CACNA2D3: variants seen among roughly 807,000 people sequenced by gnomAD.
The protein encoded by CACNA2D3 is calcium voltage-gated channel auxiliary subunit alpha2delta 3.
A neutral mutation model predicts 160.6 loss-of-function variants in CACNA2D3; 60 were observed. That is an observed-to-expected ratio of 0.37 (90% CI 0.30 to 0.46). The LOEUF (loss-of-function observed/expected upper bound fraction) is 0.46. Ranked by LOEUF, CACNA2D3 falls within the 20% of genes least tolerant of loss-of-function variation. The probability of loss-of-function intolerance (pLI) is 1.00; values close to 1 mark genes in which losing one functional copy is unlikely to be tolerated. For synonymous variants in CACNA2D3, 558 were observed against 492.9 expected (o/e 1.13, Z -1.75); for missense variants, 1,205 against 1,365.0 (o/e 0.88, Z 1.85).
intron 4 of CACNA2D3, among the ~76,000 whole-genome samples, chr3:54,461,006 A>C (rs1276590541): frequency 6.7e-6 from 1 of 148,784 alleles, no homozygotes; most frequent in African/African-American, 2.6e-5. Context: ...ATTTTGTCAA[A>C]GGCCTTTTCT....
intron 10 of CACNA2D3, chr3:54,639,741 C>G (rs1434454112): frequency 6.2e-6 from 1 of 161,202 alleles, no homozygotes; most frequent in African/African-American, 2.4e-5. Context: ...ATCCGAGTCA[C>G]GGCACCAAAT....
At chr3:54,833,269 G>A in intron 14 of CACNA2D3, among the ~76,000 whole-genome samples, 1 of 152,198 alleles carries the variant, frequency 6.6e-6, no homozygotes, top group East Asian at 1.9e-4. Flanking sequence ...ACAGGTTTCA[G>A]AGGCCTGCTT....
At chr3:54,327,411 C>T (rs1405742697) in intron 3 of CACNA2D3, among the ~76,000 whole-genome samples, 2 of 152,222 alleles carry the variant, frequency 1.3e-5, no homozygotes, top group Non-Finnish European at 2.9e-5. Context: ...TGTATCCTAA[C>T]TTTCATGCTT....
At chr3:54,171,136 C>CTGTTTTTTTT (rs1700557898) in intron 2 of CACNA2D3, among the ~76,000 whole-genome samples, 1 of 62,542 alleles carries the variant, frequency 1.6e-5, no homozygotes. Context: ...AAGATGATGA[C>CTGTTTTTTTT]TTTTTTTTTT....
chr3:54,972,526 A>ACAG (rs1211010947), intron 29 of CACNA2D3, among the ~76,000 whole-genome samples: 6 of 151,804 alleles, frequency 4.0e-5, no homozygotes, highest in Non-Finnish European at 8.8e-5. Context: ...TCCATTAAAA[A>ACAG]CAGCTGTGGG....
intron 2 of CACNA2D3, among the ~76,000 whole-genome samples, chr3:54,224,326 A>C (rs985941093): frequency 5.3e-5 from 8 of 152,198 alleles, no homozygotes; most frequent in Non-Finnish European, 1.0e-4. Flanking sequence ...ATAACATTAA[A>C]ATTACAGTAT....
intron 5 of CACNA2D3, among the ~76,000 whole-genome samples, chr3:54,537,142 G>T (rs11707007): frequency 6.6e-6 from 1 of 151,670 alleles, no homozygotes; most frequent in African/African-American, 2.4e-5. Context: ...GGAGGGACAG[G>T]CAGGCACAGA....
At chr3:54,401,831 G>C (rs73084036) in intron 4 of CACNA2D3, among the ~76,000 whole-genome samples, 15,725 of 152,104 alleles carry the variant, frequency 0.1, 1,029 homozygotes, top group Admixed American at 0.21. Context: ...CAATGGTAAA[G>C]GTCAAGTCCA....
intron 11 of CACNA2D3, among the ~76,000 whole-genome samples, chr3:54,659,241 C>T (rs1002291740): frequency 1.1e-4 from 16 of 152,152 alleles, no homozygotes; most frequent in East Asian, 3.9e-4. Context: ...CTGGGCACTG[C>T]GTTTGTTTTC....
At chr3:54,996,259 C>G (rs1158602505) in intron 31 of CACNA2D3, among the ~76,000 whole-genome samples, 1 of 152,228 alleles carries the variant, frequency 6.6e-6, no homozygotes, top group Non-Finnish European at 1.5e-5. Flanking sequence ...TTTGCATTAA[C>G]TCATTCCCAA....
At chr3:54,736,107 A>ATTTATG (rs1253808917) in intron 11 of CACNA2D3, among the ~76,000 whole-genome samples, 1 of 21,318 alleles carries the variant, frequency 4.7e-5, no homozygotes, top group African/African-American at 1.4e-4. Flanking sequence ...ATACATATAT[A>ATTTATG]TGTATATATA....
chr3:54,302,044 T>C (rs1172370702), intron 2 of CACNA2D3, among the ~76,000 whole-genome samples: 1 of 152,242 alleles, frequency 6.6e-6, no homozygotes, highest in East Asian at 1.9e-4. Flanking sequence ...ACGTTGTTAC[T>C]TTTCTGATTC....
At chr3:54,708,545 A>G (rs1311303925) in intron 11 of CACNA2D3, among the ~76,000 whole-genome samples, 1 of 152,204 alleles carries the variant, frequency 6.6e-6, no homozygotes, top group Non-Finnish European at 1.5e-5. Context: ...ATGTTGATTG[A>G]GCAGAGACAA....
At chr3:54,615,352 A>G (rs4345041) in intron 9 of CACNA2D3, among the ~76,000 whole-genome samples, 26,170 of 152,210 alleles carry the variant, frequency 0.17, 2,979 homozygotes, top group Non-Finnish European at 0.25. Context: ...TCTGAATCCA[A>G]TCAAACTGCT....
At chr3:55,018,138 G>A in intron 34 of CACNA2D3, 68 bp from the exon 35 acceptor site, 1 of 913,150 alleles carries the variant, frequency 1.1e-6, no homozygotes, top group African/African-American at 1.6e-5. Context: ...GTTGCTGTGG[G>A]CTGCCAGTCA....
chr3:54,640,532 A>T (rs917618894), intron 10 of CACNA2D3, among the ~76,000 whole-genome samples: 2 of 152,130 alleles, frequency 1.3e-5, no homozygotes, highest in Non-Finnish European at 2.9e-5. Flanking sequence ...GCTGCCTACC[A>T]CTCACAAAGG....
At chr3:54,689,849 GA>G (rs1467650751) in intron 11 of CACNA2D3, among the ~76,000 whole-genome samples, 1 of 152,102 alleles carries the variant, frequency 6.6e-6, no homozygotes, top group African/African-American at 2.4e-5. Context: ...CAGCCAGAGT[GA>G]TTTGTTTAAA....
chr3:54,423,580 A>G (rs1375076128), intron 4 of CACNA2D3, among the ~76,000 whole-genome samples: 1 of 152,178 alleles, frequency 6.6e-6, no homozygotes, highest in African/African-American at 2.4e-5. Context: ...GCAGGCATGT[A>G]TCAGTGATCA....
intron 4 of CACNA2D3, among the ~76,000 whole-genome samples, chr3:54,387,583 C>T (rs1206392101): frequency 6.6e-6 from 1 of 152,216 alleles, no homozygotes; most frequent in Non-Finnish European, 1.5e-5. Flanking sequence ...ACCTGGGCAG[C>T]AGACGTTGCA....
Sources: gnomAD v4.1 joint callset for allele counts (sites outside exome capture counted in the v4.1 genomes callset) on GRCh38, gnomAD v4.1.1 for gene constraint, MANE v1.5 for transcripts, NCBI Gene and HGNC (gene_info 2026-07-23, HGNC 2026-07-21) for gene names.